NCKAP5L: variants seen among roughly 807,000 people sequenced by gnomAD.
NCKAP5L encodes the protein nck-associated protein 5-like.
NCKAP5L carries 54 observed loss-of-function variants against 103.2 expected under a neutral mutation model. The observed-to-expected ratio is 0.52, with a 90% CI of 0.42 to 0.66. The LOEUF (loss-of-function observed/expected upper bound fraction) is 0.66. NCKAP5L is among the 30% of genes least tolerant of loss of function. NCKAP5L has a pLI of 0.00. For synonymous variants in NCKAP5L, 762 were observed against 748.6 expected, an observed-to-expected ratio of 1.02 and a Z score of -0.29; for missense variants, 1,733 against 1,750.6, an observed-to-expected ratio of 0.99 and a Z score of 0.18.
At chr12:49,823,263 G>C (rs1176572208) in intron 1 of NCKAP5L, among the ~76,000 whole-genome samples, 3 of 152,140 alleles carry the variant, frequency 2.0e-5, no homozygotes, top group Non-Finnish European at 2.9e-5. Context: ...TGGGGCAAGT[G>C]GGGTAAATGA....
At position 49,792,477 on chromosome 12, in the gene NCKAP5L, C is replaced by G; in HGVS notation, c.3761G>C (p.Arg1254Pro). The change falls in exon 12 of 13, where the codon CGA becomes CCA. Residue 1254 changes from arginine to proline, a missense_variant. Physicochemically the swap from Arg to Pro is moderately radical, Grantham distance 103. Coordinates refer to ENST00000335999, the MANE Select transcript of NCKAP5L (RefSeq NM_001037806.4). The surrounding 1 kb of genome is among the most constrained non-coding windows in gnomAD (Gnocchi z 4.5). ...GGTCCTGGGCAGCCCCTCCAGTTGT[C>G]GGGGTGGGCACATGAGAGGGTCCGA... ...SSSDPLMCPPRQLEGLPRTPM... is the reference protein window; with the variant it reads ...SSSDPLMCPPPQLEGLPRTPM... 6.2e-7 allele frequency: 1 copy of G among 1,613,266 alleles called. No individual in the cohort carries two copies. The highest frequency in any genetic ancestry group is 8.5e-7 in the Non-Finnish European group (1 of 1,179,518).
At position 49,800,709 on chromosome 12, in the gene NCKAP5L, C is replaced by A. The variant is rs150845927; in HGVS notation, c.351+1139G>T. 1.6e-4 allele frequency among the ~76,000 whole-genome samples: 24 copies of A among 152,330 alleles called. No homozygotes were observed. In the East Asian group the frequency reaches 4.6e-3, roughly 29 times the overall value. The stretch of plus-strand genomic sequence containing the variant: ...GAAGTAGCTAAGTTAGGGATCCAAC[C>A]CAAGTTTATCCGAGGCCAAGCTTCG... On this transcript the variant is annotated intron_variant, in intron 6 of 12. Coordinates refer to ENST00000335999, the MANE Select transcript of NCKAP5L (RefSeq NM_001037806.4).
Position 49,791,799 on chromosome 12 carries a change from G to T in NCKAP5L, c.*40C>A. On this transcript the variant is annotated 3_prime_UTR_variant, in exon 13 of 13. Transcript: ENST00000335999. The stretch of plus-strand genomic sequence containing the variant: ...CATGAAGAGAGCCGGTCCAGTCTGT[G>T]GTCCCCAGCTCCAGCGGGGCCGTGG... 1.3e-6 allele frequency: 2 copies of T among 1,493,860 alleles called. No homozygotes were observed. The highest frequency in any genetic ancestry group is 1.8e-6 in the Non-Finnish European group (2 of 1,110,252). The allele number at this position is 1,493,860 out of a possible 1,614,324, so 92.5% of individuals were successfully genotyped here.
In NCKAP5L at chr12:49,792,155, G is replaced by T; in HGVS notation, c.3793-104C>A. 1.8e-6 allele frequency: 2 copies of T among 1,140,188 alleles called. No individual in the cohort carries two copies. The highest frequency in any genetic ancestry group is 2.5e-6 in the Non-Finnish European group (2 of 812,114). 70.6% of individuals were successfully genotyped at this position (1,140,188 alleles called of 1,614,324 possible). On this transcript the variant is annotated intron_variant, in intron 12 of 12. Transcript: ENST00000335999. The surrounding 1 kb of genome is among the most constrained non-coding windows in gnomAD (Gnocchi z 4.5). ...GCGTCTGTGCACCTGATGGGGGGCT[G>T]CTCCAGAGGGGGCCCAAGGTGGGGT...
intron 1 of NCKAP5L, 73 bp from the exon 2 acceptor site, chr12:49,806,114 G>A (rs1175189879): frequency 2.0e-5 from 3 of 152,388 alleles, no homozygotes; most frequent in East Asian, 3.9e-4. Context: ...ACTGGGACAC[G>A]GGACGAACAG....
chr12:49,796,352 C>T lies in NCKAP5L; in HGVS notation c.1508G>A (p.Arg503Gln), dbSNP rs778419203. The T allele has an allele frequency of 1.2e-5, 19 of 1,565,528 alleles. No homozygotes were observed. The highest frequency in any genetic ancestry group is 2.4e-5 in the South Asian group (2 of 83,004). The change falls in exon 8 of 13, where the codon CGA becomes CAA. Residue 503 changes from arginine (R) to glutamine (Q), a missense_variant. Arg to Gln is a conservative substitution (Grantham distance 43, BLOSUM62 1). Transcript: ENST00000335999. ...SDGSPSPLLA[R>Q]RGLGGGELSP... is the part of the protein sequence containing the mutation. ...CAGCTCTCCTCCACCCAGACCCCTT[C>T]GGGCCAACAGTGGGGAGGGGCTGCC...
chr12:49,791,998 C>T lies in NCKAP5L; in HGVS notation c.3846G>A (p.Thr1282=), dbSNP rs757061176. ...RSQEPSRPSP[T]PQGPPFGGSR... is the part of the protein sequence containing the mutation. ...TACCCCCGAAAGGTGGGCCCTGGGGCGTAGGGGACGGGCGGCTGGGCTCCT... is the reference window on the plus strand; with the variant it reads ...TACCCCCGAAAGGTGGGCCCTGGGGTGTAGGGGACGGGCGGCTGGGCTCCT... The change falls in exon 13 of 13, where the codon ACG becomes ACA. Residue 1282 remains threonine (T), a synonymous_variant. Coordinates refer to ENST00000335999, the MANE Select transcript of NCKAP5L (RefSeq NM_001037806.4). The T allele has an allele frequency of 5.7e-6, 9 of 1,591,440 alleles. No homozygotes were observed. The highest frequency in any genetic ancestry group is 2.2e-5 in the East Asian group (1 of 44,620).
At position 49,797,001 on chromosome 12, in the gene NCKAP5L, T is replaced by C. The variant is rs1449250675; in HGVS notation, c.859A>G (p.Ser287Gly). The C allele has an allele frequency of 1.9e-6, 3 of 1,587,560 alleles. No individual in the cohort carries two copies. The East Asian group carries it at 6.9e-5, about 36-fold the overall frequency. Residue 287 changes from serine (S) to glycine (G), a missense_variant, in exon 8 of 13, where the codon AGC becomes GGC. Physicochemically the swap from Ser to Gly is moderately conservative, Grantham distance 56 (BLOSUM62 0). Transcript: ENST00000335999. The surrounding 1 kb of genome is among the most constrained non-coding windows in gnomAD (Gnocchi z 4.5). ...CCTGGGGCACAGTTTGGGCCAGAGC[T>C]GGTGCCCTGGGCCTGAGGAGGTCCC... The part of the protein sequence containing the change: ...SRGPPQAQGT[S>G]SGPNCAPGSS...
rs956592253 is a variant in NCKAP5L, at chr12:49,792,327, G to C, written c.3792+119C>G. ...GGGCATCCCAGGGGTCCTCCTCCCA[G>C]AGGGTGCAGCACTGAGACTGTGCGA... On this transcript the variant is annotated intron_variant, in intron 12 of 12. Transcript: ENST00000335999. The surrounding 1 kb of genome is among the most constrained non-coding windows in gnomAD (Gnocchi z 4.5). 2.6e-6 allele frequency: 4 copies of C among 1,541,852 alleles called. No individual in the cohort carries two copies. The African/African-American group carries it at 4.1e-5, about 16-fold the overall frequency.
chr12:49,812,124 A>G (rs1946246534), intron 1 of NCKAP5L, among the ~76,000 whole-genome samples: 1 of 152,122 alleles, frequency 6.6e-6, no homozygotes, highest in African/African-American at 2.4e-5. Context: ...GATACGTGCA[A>G]TCATCAACAT....
intron 1 of NCKAP5L, among the ~76,000 whole-genome samples, chr12:49,819,172 CGTGGTCGTGGGCA>C (rs1414861985): frequency 1.3e-5 from 2 of 151,908 alleles, no homozygotes; most frequent in East Asian, 3.9e-4. Flanking sequence ...ATTAGCCGGG[CGTGGTCGTGGGCA>C]CCTGTAGTCC....
In NCKAP5L at chr12:49,796,116, G is replaced by T; in HGVS notation, c.1744C>A (p.Pro582Thr). Residue 582 changes from proline (P) to threonine (T), a missense_variant, in exon 8 of 13, where the codon CCC (proline) becomes ACC (threonine). Coordinates refer to ENST00000335999, the MANE Select transcript of NCKAP5L (RefSeq NM_001037806.4). Reference sequence around the variant, plus strand: ...TCCAGAGTTAGCTGTGGGTAGGTGGGCACCTGCAGTGGGGATGGAGGTGGC... The same window carrying T: ...TCCAGAGTTAGCTGTGGGTAGGTGGTCACCTGCAGTGGGGATGGAGGTGGC... ...PEPPPSPLQV[P>T]TYPQLTLEVP... The T allele has an allele frequency of 6.2e-7, 1 of 1,610,706 alleles. No individual in the cohort carries two copies. The highest frequency in any genetic ancestry group is 1.3e-5 in the African/African-American group (1 of 75,008).
intron 2 of NCKAP5L, chr12:49,805,103 AC>A (rs1946165389): frequency 6.6e-6 from 1 of 152,314 alleles, no homozygotes. Context: ...TCTTGACACC[AC>A]CCGCTCCTTT....
rs181645422 is a variant in NCKAP5L, at chr12:49,810,045, G to C, written c.-98-4004C>G. Among the ~76,000 whole-genome samples, 145 of 152,142 alleles carry C rather than the reference G, an allele frequency of 9.5e-4. 1 individual carries two copies. Among genetic ancestry groups the C allele is most frequent in the African/African-American group, 3.3e-3 (137 of 41,506 alleles). On this transcript the variant is annotated intron_variant, in intron 1 of 12. Coordinates refer to ENST00000335999, the MANE Select transcript of NCKAP5L (RefSeq NM_001037806.4). ...TAGGTCCTCGGCCCTTCCAGGAAGGGAAGAAGGAAGGGCAGTCGTGTTATA... is the reference window on the plus strand; with the variant it reads ...TAGGTCCTCGGCCCTTCCAGGAAGGCAAGAAGGAAGGGCAGTCGTGTTATA...
chr12:49,824,727 G>C (rs532089590), intron 1 of NCKAP5L, among the ~76,000 whole-genome samples: 1 of 152,242 alleles, frequency 6.6e-6, no homozygotes, highest in South Asian at 2.1e-4. Context: ...CAGATGCCGG[G>C]ACAGACAAAA....
intron 1 of NCKAP5L, among the ~76,000 whole-genome samples, chr12:49,812,467 TC>T (rs1946251220): frequency 6.6e-6 from 1 of 151,862 alleles, no homozygotes; most frequent in Non-Finnish European, 1.5e-5. Flanking sequence ...CATTGTAACC[TC>T]CGCCGCTCAG....
Position 49,792,612 on chromosome 12 carries a change from G to A in NCKAP5L, c.3650-24C>T, listed in dbSNP as rs1445281595. 1.9e-6 allele frequency: 3 copies of A among 1,613,652 alleles called. No individual in the cohort carries two copies. The highest frequency in any genetic ancestry group is 1.3e-5 in the African/African-American group (1 of 74,904). ...ATCTGTCCAGGAACAAAGGGAAGGT[G>A]GATGGAGCTGCCTGGGCAGCTCCAG... On this transcript the variant is annotated intron_variant, in intron 11 of 12. Coordinates refer to ENST00000335999, the MANE Select transcript of NCKAP5L (RefSeq NM_001037806.4). The surrounding 1 kb of genome is among the most constrained non-coding windows in gnomAD (Gnocchi z 4.5).
chr12:49,798,802 A>G (rs1301288622), intron 6 of NCKAP5L, among the ~76,000 whole-genome samples: 1 of 152,116 alleles, frequency 6.6e-6, no homozygotes, highest in Non-Finnish European at 1.5e-5. Flanking sequence ...TCCTCTCACA[A>G]AGAGGGTTAC....
chr12:49,791,595 A>C lies in NCKAP5L; in HGVS notation c.*244T>G. On this transcript the variant is annotated 3_prime_UTR_variant, in exon 13 of 13. Transcript: ENST00000335999. ...CTTTAACCCCCAGTCCCTTCCAGGA[A>C]GAGCCTTACTCTGGGTGAGAGAAGG... 1 of 407,270 alleles carries C rather than the reference A, an allele frequency of 2.5e-6. No homozygotes were observed. The highest frequency in any genetic ancestry group is 4.4e-6 in the Non-Finnish European group (1 of 228,934). 25.2% of individuals were successfully genotyped at this position (407,270 alleles called of 1,614,324 possible). A position where few individuals can be genotyped will look rare whatever the true frequency, so the allele number is the denominator to read the frequency against.
Sources: gnomAD v4.1 joint callset for allele counts (sites outside exome capture counted in the v4.1 genomes callset) on GRCh38, gnomAD v4.1.1 for gene constraint, Gnocchi (gnomAD v3.1) non-coding constraint, MANE v1.5 for transcripts, NCBI Gene and HGNC (gene_info 2026-07-23, HGNC 2026-07-21) for gene names.